AP4E1: variants seen among roughly 807,000 people sequenced by gnomAD.
AP4E1 encodes adaptor related protein complex 4 subunit epsilon 1.
In AP4E1, 56 loss-of-function variants were observed where a neutral mutation model predicts 128.2. That is an observed-to-expected ratio of 0.44 (90% CI 0.35 to 0.55). The LOEUF is 0.55. Ranked by LOEUF, AP4E1 falls within the 20% of genes least tolerant of loss-of-function variation. The pLI, the probability that AP4E1 is intolerant of heterozygous loss-of-function variation, is 0.00. For synonymous variants in AP4E1, 484 were observed against 473.1 expected (o/e 1.02, Z -0.30); for missense variants, 1,324 against 1,307.7 (o/e 1.01, Z -0.19).
At chr15:50,965,107 A>G (rs2064372517) in intron 14 of AP4E1, among the ~76,000 whole-genome samples, 1 of 152,036 alleles carries the variant, frequency 6.6e-6, no homozygotes, top group Non-Finnish European at 1.5e-5. Context: ...TGCCGGTATC[A>G]TGCTTCTTGT....
chr15:50,980,255 T>C (rs980947287), intron 15 of AP4E1, among the ~76,000 whole-genome samples: 1 of 152,210 alleles, frequency 6.6e-6, no homozygotes, highest in African/African-American at 2.4e-5. Context: ...AGGCCATCTT[T>C]CTTATAAAGT....
intron 16 of AP4E1, among the ~76,000 whole-genome samples, chr15:50,986,510 AG>A (rs1217083969): frequency 6.6e-6 from 1 of 152,136 alleles, no homozygotes; most frequent in African/African-American, 2.4e-5. Context: ...GAGAGTTTTT[AG>A]CATGAAGCGC....
In AP4E1 at chr15:50,930,909, A is replaced by G. The variant is rs369656022; in HGVS notation, c.807A>G (p.Pro269=). The G allele has an allele frequency of 1.4e-5, 23 of 1,614,172 alleles. No homozygotes were observed. Among genetic ancestry groups the G allele is most frequent in the Non-Finnish European group, 1.9e-5 (22 of 1,180,010 alleles). ...TAGAATTCAATTACCACAGTGTGCCAGCACCATGGTTACAAATTCAGCTCT... is the reference window on the plus strand; with the variant it reads ...TAGAATTCAATTACCACAGTGTGCCGGCACCATGGTTACAAATTCAGCTCT... ...LPVEFNYHSV[P]APWLQIQLLR... is the part of the protein sequence containing the mutation. The change falls in exon 7 of 21, where the codon CCA becomes CCG. Residue 269 remains proline (P), a synonymous_variant. Coordinates refer to ENST00000261842, the MANE Select transcript of AP4E1 (RefSeq NM_007347.5).
chr15:50,964,870 A>T (rs1479071730), intron 14 of AP4E1, among the ~76,000 whole-genome samples: 2 of 151,752 alleles, frequency 1.3e-5, no homozygotes, highest in East Asian at 3.9e-4. Flanking sequence ...ATGAAGGCAG[A>T]TACCTCATGG....
intron 3 of AP4E1, among the ~76,000 whole-genome samples, chr15:50,917,011 T>G (rs948033728): frequency 3.3e-5 from 5 of 152,234 alleles, no homozygotes; most frequent in African/African-American, 1.2e-4. Context: ...TCCAGTCATA[T>G]TCACGATTTT....
Position 50,908,814 on chromosome 15 carries a change from G to C in AP4E1, c.36G>C (p.Leu12=). Residue 12 remains leucine (L), a synonymous_variant, in exon 1 of 21, where the codon CTG becomes CTC. Transcript: ENST00000261842. ...TAGTGGAGAAGACGCTGACGGCGCTGCCGGGACTCTTTCTGCAGAACCAGC... is the reference window on the plus strand; with the variant it reads ...TAGTGGAGAAGACGCTGACGGCGCTCCCGGGACTCTTTCTGCAGAACCAGC... ...SDIVEKTLTA[L]PGLFLQNQPG... 6.2e-7 allele frequency: 1 copy of C among 1,603,088 alleles called. No individual in the cohort carries two copies. The highest frequency in any genetic ancestry group is 8.5e-7 in the Non-Finnish European group (1 of 1,176,164).
chr15:50,954,924 A>G (rs2064196582), intron 13 of AP4E1, among the ~76,000 whole-genome samples: 1 of 152,066 alleles, frequency 6.6e-6, no homozygotes, highest in African/African-American at 2.4e-5. Context: ...ATTCCCACCT[A>G]TGAGTGAGAA....
At chr15:50,909,095 C>G (rs2063533176) in intron 1 of AP4E1, among the ~76,000 whole-genome samples, 167 bp downstream of exon 1, 1 of 152,240 alleles carries the variant, frequency 6.6e-6, no homozygotes, top group Non-Finnish European at 1.5e-5. Flanking sequence ...GCTTCACTTT[C>G]CTGCTGGGAC....
intron 15 of AP4E1, among the ~76,000 whole-genome samples, chr15:50,977,797 C>A (rs1370204076): frequency 6.8e-6 from 1 of 146,984 alleles, no homozygotes; most frequent in Non-Finnish European, 1.5e-5. Context: ...GCAACCTCCA[C>A]TTCTCGGGTT....
intron 3 of AP4E1, among the ~76,000 whole-genome samples, chr15:50,920,846 T>C (rs2063693688): frequency 6.6e-6 from 1 of 152,222 alleles, no homozygotes; most frequent in African/African-American, 2.4e-5. Context: ...CATCCCAAGC[T>C]AGAGTGCAAT....
At chr15:50,945,122 A>G in intron 10 of AP4E1, 1 of 799,340 alleles carries the variant, frequency 1.3e-6, no homozygotes, top group Admixed American at 1.7e-5. Context: ...ATACAACATT[A>G]GGAAAGACAG....
intron 14 of AP4E1, among the ~76,000 whole-genome samples, chr15:50,964,937 G>A (rs2064366337): frequency 9.3e-6 from 1 of 107,632 alleles, no homozygotes; most frequent in African/African-American, 3.7e-5. Flanking sequence ...TTATTGTAAA[G>A]TATAACACCT....
rs12916407 is a variant in AP4E1 at position 50,941,981 on chromosome 15, A to G, written c.1176+206A>G. 0.43 allele frequency among the ~76,000 whole-genome samples: 65,215 copies of G among 151,952 alleles called. 14,239 individuals carry two copies. Among genetic ancestry groups the G allele is most frequent in the East Asian group, 0.59 (3,040 of 5,176 alleles). On this transcript the variant is annotated intron_variant, in intron 10 of 20. Transcript: ENST00000261842. ...ACCCAGGCTGTAGTGCAGTGGCATG[A>G]TCTCAACTCACTGCAACTTCCACCT...
At chr15:50,973,780 T>C (rs1267589020) in intron 15 of AP4E1, among the ~76,000 whole-genome samples, 1 of 152,268 alleles carries the variant, frequency 6.6e-6, no homozygotes, top group African/African-American at 2.4e-5. Flanking sequence ...TATTCCATTG[T>C]ATATGTATAT....
intron 8 of AP4E1, among the ~76,000 whole-genome samples, chr15:50,935,874 G>T (rs2063902313): frequency 6.6e-6 from 1 of 152,202 alleles, no homozygotes; most frequent in Non-Finnish European, 1.5e-5. Context: ...ACATGGTAGT[G>T]AATTGGGGTG....
rs754250321 is a variant in AP4E1, at chr15:50,923,945, T to C, written c.361T>C (p.Ser121Pro). 1.2e-6 allele frequency: 2 copies of C among 1,612,018 alleles called. No individual in the cohort carries two copies. Among genetic ancestry groups the C allele is most frequent in the Admixed American group, 1.7e-5 (1 of 60,002 alleles). ...AACTTTTATAGGTTATTTGGCTGTT[T>C]CCTTATTTCTACATGAAAGTCATGA... The part of the protein sequence containing the change: ...LEKRVGYLAV[S>P]LFLHESHELL... Residue 121 changes from serine to proline, a missense_variant, in exon 4 of 21, where the codon TCC becomes CCC. Physicochemically the swap from Ser to Pro is moderately conservative, Grantham distance 74. Coordinates refer to ENST00000261842, the MANE Select transcript of AP4E1 (RefSeq NM_007347.5).
At chr15:50,976,496 T>C (rs930187781) in intron 15 of AP4E1, among the ~76,000 whole-genome samples, 1 of 152,190 alleles carries the variant, frequency 6.6e-6, no homozygotes, top group Non-Finnish European at 1.5e-5. Flanking sequence ...CCCACTTGTC[T>C]CTTTTGTAGT....
At chr15:50,938,631 G>A (rs147141661) in intron 8 of AP4E1, among the ~76,000 whole-genome samples, 30 of 152,208 alleles carry the variant, frequency 2.0e-4, no homozygotes, top group African/African-American at 7.2e-4. Flanking sequence ...TCCCCTCTTT[G>A]TGGCCAGGGT....
At chr15:50,935,368 C>T (rs952449463) in intron 8 of AP4E1, among the ~76,000 whole-genome samples, 1 of 151,786 alleles carries the variant, frequency 6.6e-6, no homozygotes, top group Non-Finnish European at 1.5e-5. Flanking sequence ...TGTGAAGAGA[C>T]AATAAATTGT....
Sources: allele counts gnomAD v4.1 joint callset (sites outside exome capture counted in the v4.1 genomes callset), GRCh38; gene constraint gnomAD v4.1.1; transcripts MANE v1.5; gene names NCBI Gene and HGNC (gene_info 2026-07-23, HGNC 2026-07-21).